The following SH3RF3 variants were observed in gnomAD, a reference collection of about 807,000 sequenced individuals.
SH3RF3 encodes the protein E3 ubiquitin-protein ligase SH3RF3.
Under a neutral mutation model 66.3 loss-of-function variants are expected in SH3RF3, and 29 were observed. That is an observed-to-expected ratio of 0.44 (90% confidence interval 0.33 to 0.60). SH3RF3 has a LOEUF of 0.60. Ranked by LOEUF, SH3RF3 falls within the 20% of genes least tolerant of loss-of-function variation. The pLI is 0.04. For synonymous variants in SH3RF3, 583 were observed against 532.0 expected (o/e 1.10, Z -1.32); for missense variants, 1,194 against 1,190.9 (o/e 1.00, Z -0.04).
At chr2:109,395,722 T>C (rs960655341) in intron 3 of SH3RF3, among the ~76,000 whole-genome samples, 4 of 152,188 alleles carry the variant, frequency 2.6e-5, no homozygotes, top group African/African-American at 9.7e-5. Context: ...CAGTGCTCAG[T>C]GACCTGTGGC....
intron 8 of SH3RF3, among the ~76,000 whole-genome samples, chr2:109,457,512 C>T (rs917073161): frequency 2.0e-5 from 3 of 152,194 alleles, no homozygotes; most frequent in Admixed American, 6.5e-5. Context: ...TGACTAATAA[C>T]GAGTAACTAA....
intron 1 of SH3RF3, among the ~76,000 whole-genome samples, chr2:109,154,626 T>G (rs1326712452): frequency 1.3e-5 from 2 of 152,240 alleles, no homozygotes; most frequent in Non-Finnish European, 2.9e-5. Context: ...CTCTTTGTCC[T>G]GGCTTCTGGC....
intron 8 of SH3RF3, among the ~76,000 whole-genome samples, chr2:109,454,072 CAT>C (rs1395354302): frequency 2.0e-5 from 3 of 152,176 alleles, no homozygotes; most frequent in Non-Finnish European, 2.9e-5. Context: ...GTATAATAAT[CAT>C]ATCATATAAA....
intron 2 of SH3RF3, among the ~76,000 whole-genome samples, chr2:109,366,189 T>C (rs1345433843): frequency 6.6e-6 from 1 of 152,228 alleles, no homozygotes; most frequent in Non-Finnish European, 1.5e-5. Context: ...ATATTTAAAC[T>C]TTCTTAAGCA....
chr2:109,161,609 C>G (rs1677492082), intron 1 of SH3RF3, among the ~76,000 whole-genome samples: 1 of 151,904 alleles, frequency 6.6e-6, no homozygotes, highest in African/African-American at 2.4e-5. Flanking sequence ...ATTCTGCTGA[C>G]TGGAAGACTG....
intron 9 of SH3RF3, among the ~76,000 whole-genome samples, chr2:109,493,133 C>A (rs1679175173): frequency 6.9e-6 from 1 of 144,084 alleles, no homozygotes; most frequent in East Asian, 2.4e-4. Flanking sequence ...AACACACATA[C>A]CCCACATACA....
At chr2:109,451,687 A>C (rs923407579) in intron 8 of SH3RF3, among the ~76,000 whole-genome samples, 6 of 152,272 alleles carry the variant, frequency 3.9e-5, no homozygotes, top group African/African-American at 1.4e-4. Context: ...GCCCTCTAAC[A>C]GTTGTGCTAT....
At chr2:109,162,213 G>T (rs4676251) in intron 1 of SH3RF3, among the ~76,000 whole-genome samples, 3 of 152,038 alleles carry the variant, frequency 2.0e-5, no homozygotes, top group Non-Finnish European at 4.4e-5. Flanking sequence ...GTGTGCCTAG[G>T]CTTGATCTCC....
intron 1 of SH3RF3, among the ~76,000 whole-genome samples, chr2:109,216,387 C>T (rs556873135): frequency 6.6e-6 from 1 of 152,346 alleles, no homozygotes; most frequent in Admixed American, 6.5e-5. Context: ...CCAAAACCAC[C>T]CTCTGTGTTA....
intron 1 of SH3RF3, among the ~76,000 whole-genome samples, chr2:109,210,303 T>C (rs1199740907): frequency 6.6e-6 from 1 of 152,256 alleles, no homozygotes; most frequent in Non-Finnish European, 1.5e-5. Context: ...TGCTTTGAGT[T>C]TTTTTGAGTA....
chr2:109,188,135 CAA>C (rs1422680392), intron 1 of SH3RF3, among the ~76,000 whole-genome samples: 1 of 152,232 alleles, frequency 6.6e-6, no homozygotes, highest in Non-Finnish European at 1.5e-5. Flanking sequence ...GCATGGGAAA[CAA>C]AATATGACTT....
chr2:109,193,566 A>T (rs1435139060), intron 1 of SH3RF3, among the ~76,000 whole-genome samples: 1 of 151,976 alleles, frequency 6.6e-6, no homozygotes, highest in Admixed American at 6.6e-5. Context: ...AAGCTCACCC[A>T]TGTGGTATGT....
chr2:109,163,582 G>T (rs968788913), intron 1 of SH3RF3, among the ~76,000 whole-genome samples: 28 of 151,176 alleles, frequency 1.9e-4, no homozygotes, highest in Admixed American at 5.3e-4. Context: ...TGTATTTTTA[G>T]TAGAGACGGG....
chr2:109,371,940 G>T (rs1683282129), intron 3 of SH3RF3, among the ~76,000 whole-genome samples: 1 of 152,180 alleles, frequency 6.6e-6, no homozygotes, highest in African/African-American at 2.4e-5. Flanking sequence ...GTGGCAGCAG[G>T]GCCCCCTTGT....
chr2:109,368,719 A>G (rs1490278826), intron 2 of SH3RF3, among the ~76,000 whole-genome samples: 1 of 149,896 alleles, frequency 6.7e-6, no homozygotes, highest in Non-Finnish European at 1.5e-5. Flanking sequence ...AAAAAAAAAA[A>G]AAAAGAAAAA....
intron 1 of SH3RF3, among the ~76,000 whole-genome samples, chr2:109,280,916 G>T (rs1177542224): frequency 6.6e-6 from 1 of 152,184 alleles, no homozygotes; most frequent in African/African-American, 2.4e-5. Context: ...CTGCAAATGT[G>T]GAAACTAAAG....
At chr2:109,335,203 T>C (rs1440054643) in intron 1 of SH3RF3, among the ~76,000 whole-genome samples, 1 of 152,256 alleles carries the variant, frequency 6.6e-6, no homozygotes, top group South Asian at 2.1e-4. Flanking sequence ...TTCCGAGGCC[T>C]ACGCACCTCA....
chr2:109,317,539 G>A (rs112007659), intron 1 of SH3RF3, among the ~76,000 whole-genome samples: 3,037 of 152,210 alleles, frequency 0.02, 115 homozygotes, highest in African/African-American at 0.068. Context: ...TCTAGGTCTC[G>A]TTCTGCCGGG....
At chr2:109,257,025 T>C (rs148058870) in intron 1 of SH3RF3, among the ~76,000 whole-genome samples, 1 of 152,330 alleles carries the variant, frequency 6.6e-6, no homozygotes, top group Non-Finnish European at 1.5e-5. Context: ...GTCACATTGC[T>C]GCCCTGGACT....
Sources: allele counts gnomAD v4.1 joint callset (sites outside exome capture counted in the v4.1 genomes callset), GRCh38; gene constraint gnomAD v4.1.1; transcripts MANE v1.5; gene names NCBI Gene and HGNC (gene_info 2026-07-23, HGNC 2026-07-21).